The following MAN1C1 variants were observed in gnomAD, a reference collection of about 807,000 sequenced individuals.
MAN1C1 encodes mannosyl-oligosaccharide 1,2-alpha-mannosidase IC.
A neutral mutation model predicts 71.5 loss-of-function variants in MAN1C1; 49 were observed. The observed-to-expected ratio is 0.69, with a 90% confidence interval of 0.54 to 0.87. The LOEUF is 0.87. MAN1C1 is among the 40% of genes least tolerant of loss of function. The pLI, the probability that MAN1C1 is intolerant of heterozygous loss-of-function variation, is 0.00. For synonymous variants in MAN1C1, 352 were observed against 343.7 expected, an observed-to-expected ratio of 1.02 and a Z score of -0.27; for missense variants, 743 against 835.0, an observed-to-expected ratio of 0.89 and a Z score of 1.36.
chr1:25,691,801 A>G (rs919610876), intron 2 of MAN1C1, among the ~76,000 whole-genome samples: 5 of 152,170 alleles, frequency 3.3e-5, no homozygotes, highest in African/African-American at 1.2e-4. Context: ...CTTACACTGG[A>G]ACTTTTAACA....
rs1273504066 is a variant in MAN1C1 at position 25,730,697 on chromosome 1, A to G, written c.638-15971A>G. Among the ~76,000 whole-genome samples, 1 of 152,214 alleles carries G rather than the reference A, an allele frequency of 6.6e-6. No individual in the cohort carries two copies. Among genetic ancestry groups the G allele is most frequent in the Non-Finnish European group, 1.5e-5 (1 of 68,028 alleles). The stretch of plus-strand genomic sequence containing the variant: ...CAGTTCTTGCCCCAGAAGCATGCTC[A>G]GGGCTGTCACGACTGGATGAGGCCT... On this transcript the variant is annotated intron_variant, in intron 2 of 11. Transcript: ENST00000374332. This position sits in a 1 kb window ranked among gnomAD's most constrained non-coding sequence, Gnocchi z 4.3.
In MAN1C1 at chr1:25,779,317, C is replaced by G. The variant is rs2047662362; in HGVS notation, c.1477+993C>G. ...TCATGACACAGGTCTCAGAGTGAGGCACAGGGTCCCATGAGAAAGTACCTT... is the reference window on the plus strand; with the variant it reads ...TCATGACACAGGTCTCAGAGTGAGGGACAGGGTCCCATGAGAAAGTACCTT... On this transcript the variant is annotated intron_variant, in intron 9 of 11. Transcript: ENST00000374332. This position sits in a 1 kb window ranked among gnomAD's most constrained non-coding sequence, Gnocchi z 4.6. Among the ~76,000 whole-genome samples the G allele has an allele frequency of 6.6e-6, 1 of 152,086 alleles. No individual in the cohort carries two copies. Among genetic ancestry groups the G allele is most frequent in the Non-Finnish European group, 1.5e-5 (1 of 68,006 alleles).
At chr1:25,747,199 G>T (rs989926375) in intron 3 of MAN1C1, among the ~76,000 whole-genome samples, 5 of 152,222 alleles carry the variant, frequency 3.3e-5, no homozygotes, top group East Asian at 1.9e-4. Flanking sequence ...CCTTGAGCCC[G>T]CCCTGCACTG....
Position 25,711,084 on chromosome 1 carries a change from T to C in MAN1C1, c.637+24548T>C, listed in dbSNP as rs2046607529. On this transcript the variant is annotated intron_variant, in intron 2 of 11. Coordinates refer to ENST00000374332, the MANE Select transcript of MAN1C1 (RefSeq NM_020379.4). The surrounding 1 kb of genome is among the most constrained non-coding windows in gnomAD (Gnocchi z 4.3). ...GGCCAGGATTGGTCTAGGATGGCTT[T>C]GGTTAGATGACTCAGCTCTGTTCCA... is the stretch of plus-strand genomic sequence containing the variant. 6.6e-6 allele frequency among the ~76,000 whole-genome samples: 1 copy of C among 152,214 alleles called. No homozygotes were observed. The highest frequency in any genetic ancestry group is 1.5e-5 in the Non-Finnish European group (1 of 68,040).
chr1:25,781,301 C>A (rs983170544), intron 10 of MAN1C1, 189 bp downstream of exon 10: 47 of 623,966 alleles, frequency 7.5e-5, no homozygotes, highest in Non-Finnish European at 1.3e-4. Flanking sequence ...GCAAAGTTGT[C>A]CTGAGACAGG....
In MAN1C1 at chr1:25,618,199, C is replaced by T. The variant is rs552119213; in HGVS notation, c.402C>T (p.Pro134=). Residue 134 remains proline (P), a synonymous_variant, in exon 1 of 12, where the codon CCC becomes CCT. Coordinates refer to ENST00000374332, the MANE Select transcript of MAN1C1 (RefSeq NM_020379.4). The part of the protein sequence containing the change: ...ARGNSIPASR[P]GDEGVPFRFD... ...GCAATAGCATCCCGGCCTCCAGGCC[C>T]GGGGACGAGGGCGTCCCTTTCCGCT... 57 of 1,586,180 alleles carry T rather than the reference C, an allele frequency of 3.6e-5. No homozygotes were observed. The highest frequency in any genetic ancestry group is 7.1e-5 in the Admixed American group (4 of 56,146).
chr1:25,713,383 A>G (rs2046639154), intron 2 of MAN1C1, among the ~76,000 whole-genome samples: 1 of 152,258 alleles, frequency 6.6e-6, no homozygotes, highest in Admixed American at 6.5e-5. Context: ...TGATTTGCCC[A>G]GCATAAGCAT....
chr1:25,616,959 C>T lies in MAN1C1; in HGVS notation c.-839C>T, dbSNP rs1306764388. Among the ~76,000 whole-genome samples, 1 of 150,940 alleles carries T rather than the reference C, an allele frequency of 6.6e-6. No individual in the cohort carries two copies. The highest frequency in any genetic ancestry group is 1.5e-5 in the Non-Finnish European group (1 of 67,542). On this transcript the variant is annotated 5_prime_UTR_variant, in exon 1 of 12. Coordinates refer to ENST00000374332, the MANE Select transcript of MAN1C1 (RefSeq NM_020379.4). This position sits in a 1 kb window ranked among gnomAD's most constrained non-coding sequence, Gnocchi z 5.6. ...GGCCAGGGCTGCGCGCTCCGCGGAG[C>T]CGGCGGGGCCGGGAACAGGTGATCC...
At position 25,631,132 on chromosome 1, in the gene MAN1C1, T is replaced by C. The variant is rs2045373243; in HGVS notation, c.540+12795T>C. Among the ~76,000 whole-genome samples, 1 of 151,920 alleles carries C rather than the reference T, an allele frequency of 6.6e-6. No individual in the cohort carries two copies. ...GGCATGTACCACCACGCCTGGTTAA[T>C]TTTTTTTGTATTTTTAGAAGAGACG... On this transcript the variant is annotated intron_variant, in intron 1 of 11. Transcript: ENST00000374332. The surrounding 1 kb of genome is among the most constrained non-coding windows in gnomAD (Gnocchi z 4.2).
At chr1:25,648,175 G>A (rs1191269701) in intron 1 of MAN1C1, among the ~76,000 whole-genome samples, 3 of 152,228 alleles carry the variant, frequency 2.0e-5, no homozygotes, top group South Asian at 2.1e-4. Flanking sequence ...TCCTGGTGAC[G>A]CTTCTACAGT....
intron 2 of MAN1C1, among the ~76,000 whole-genome samples, chr1:25,714,847 C>G (rs1557776623): frequency 6.6e-6 from 1 of 152,154 alleles, no homozygotes; most frequent in Non-Finnish European, 1.5e-5. Context: ...AGTGCTAGCA[C>G]TACACCTAAG....
chr1:25,652,410 A>G (rs1449541014), intron 1 of MAN1C1, among the ~76,000 whole-genome samples: 1 of 152,042 alleles, frequency 6.6e-6, no homozygotes, highest in Non-Finnish European at 1.5e-5. Context: ...GGGAAGTGAG[A>G]CTCTGCAAAT....
rs1413131655 is a variant in MAN1C1 at position 25,711,759 on chromosome 1, G to A, written c.637+25223G>A. 6.6e-6 allele frequency among the ~76,000 whole-genome samples: 1 copy of A among 151,986 alleles called. No individual in the cohort carries two copies. The highest frequency in any genetic ancestry group is 1.5e-5 in the Non-Finnish European group (1 of 68,010). ...AGCCCAGGCCACTGCTTGTCTTGGT[G>A]GGAGGAAGTGATCAGTCTTTGCAAG... On this transcript the variant is annotated intron_variant, in intron 2 of 11. Transcript: ENST00000374332. The surrounding 1 kb of genome is among the most constrained non-coding windows in gnomAD (Gnocchi z 4.3).
chr1:25,618,060 C>G lies in MAN1C1; in HGVS notation c.263C>G (p.Ala88Gly), dbSNP rs1181692478. Residue 88 changes from alanine (A) to glycine (G), a missense_variant, in exon 1 of 12, where the codon GCG becomes GGG. Coordinates refer to ENST00000374332, the MANE Select transcript of MAN1C1 (RefSeq NM_020379.4). ...CCGCCTCCCAACCCGGCCCCCGCCGCGCCGGCCCCGGGCGAGGATGACCCC... is the reference window on the plus strand; with the variant it reads ...CCGCCTCCCAACCCGGCCCCCGCCGGGCCGGCCCCGGGCGAGGATGACCCC... The part of the protein sequence containing the change: ...QEPPPNPAPA[A>G]PAPGEDDPSS... 4 of 1,553,502 alleles carry G rather than the reference C, an allele frequency of 2.6e-6. No homozygotes were observed. The highest frequency in any genetic ancestry group is 1.7e-6 in the Non-Finnish European group (2 of 1,155,050).
At chr1:25,729,655 G>T (rs1019798137) in intron 2 of MAN1C1, among the ~76,000 whole-genome samples, 1 of 151,964 alleles carries the variant, frequency 6.6e-6, no homozygotes, top group Non-Finnish European at 1.5e-5. Context: ...GGGACTACAG[G>T]CGCCCACCAC....
intron 2 of MAN1C1, among the ~76,000 whole-genome samples, chr1:25,688,793 C>T (rs899948318): frequency 6.6e-6 from 1 of 152,152 alleles, no homozygotes; most frequent in Non-Finnish European, 1.5e-5. Flanking sequence ...TGAGTATGTA[C>T]GAACAAGCAA....
intron 1 of MAN1C1, chr1:25,658,831 C>T (rs1349942724): frequency 6.5e-6 from 1 of 152,862 alleles, no homozygotes; most frequent in Non-Finnish European, 1.5e-5. Flanking sequence ...CTTATAGATA[C>T]TTCCCCAGAC....
At chr1:25,771,803 G>A (rs773510636) in intron 8 of MAN1C1, 31 bp downstream of exon 8, 14 of 1,551,460 alleles carry the variant, frequency 9.0e-6, no homozygotes, top group African/African-American at 2.7e-5. Flanking sequence ...TTCACAGGCC[G>A]CTGGTCACCA....
intron 2 of MAN1C1, among the ~76,000 whole-genome samples, chr1:25,700,039 G>C (rs1005258819): frequency 3.3e-5 from 5 of 152,244 alleles, no homozygotes; most frequent in African/African-American, 1.2e-4. Flanking sequence ...CCGGAAGTAT[G>C]TTGTCAGCAC....
Sources: allele counts gnomAD v4.1 joint callset (sites outside exome capture counted in the v4.1 genomes callset), GRCh38; gene constraint gnomAD v4.1.1; non-coding constraint Gnocchi (gnomAD v3.1); transcripts MANE v1.5; gene names NCBI Gene and HGNC (gene_info 2026-07-23, HGNC 2026-07-21).